DYM: variants seen among roughly 807,000 people sequenced by gnomAD.
DYM encodes dymeclin, also known as dyggve-Melchior-Clausen syndrome protein.
DYM carries 78 observed loss-of-function variants against 93.1 expected under a neutral mutation model. That is an observed-to-expected ratio of 0.84 (90% CI 0.70 to 1.01). DYM has a LOEUF of 1.01. DYM is among the 50% of genes least tolerant of loss of function. DYM has a pLI of 0.00. For missense variants in DYM, 789 were observed against 845.0 expected (o/e 0.93, Z 0.82); for synonymous variants, 321 against 319.7 (o/e 1.00, Z -0.04).
intron 10 of DYM, among the ~76,000 whole-genome samples, chr18:49,277,218 A>G (rs2094866616): frequency 6.6e-6 from 1 of 152,344 alleles, no homozygotes; most frequent in Admixed American, 6.5e-5. Context: ...CAAATACAGA[A>G]CTGAACATAT....
At chr18:49,086,892 G>A (rs981870361) in intron 17 of DYM, among the ~76,000 whole-genome samples, 12 of 152,114 alleles carry the variant, frequency 7.9e-5, no homozygotes, top group South Asian at 2.1e-4. Flanking sequence ...GGAGACTGAG[G>A]TAGGAGAATT....
At chr18:49,397,146 T>C (rs2070201617) in intron 2 of DYM, among the ~76,000 whole-genome samples, 1 of 152,188 alleles carries the variant, frequency 6.6e-6, no homozygotes. Context: ...GTATAATGCA[T>C]CGAAACATCA....
At chr18:49,237,783 CA>C (rs1428845141) in intron 13 of DYM, among the ~76,000 whole-genome samples, 2 of 152,066 alleles carry the variant, frequency 1.3e-5, no homozygotes, top group Admixed American at 1.3e-4. Flanking sequence ...TGCATGTAAA[CA>C]AAGATAAATG....
chr18:49,425,107 C>T (rs1568422949), intron 2 of DYM, among the ~76,000 whole-genome samples: 4 of 152,122 alleles, frequency 2.6e-5, no homozygotes, highest in Admixed American at 1.3e-4. Context: ...GGCAAAAGAA[C>T]AAAGCTGCAG....
At chr18:49,315,094 A>C (rs2146437402) in intron 8 of DYM, among the ~76,000 whole-genome samples, 1 of 152,248 alleles carries the variant, frequency 6.6e-6, no homozygotes, top group East Asian at 1.9e-4. Context: ...ATATGCCTGT[A>C]GTCTCAGCTA....
chr18:49,334,340 T>C (rs1440478020), intron 6 of DYM, among the ~76,000 whole-genome samples: 2 of 152,240 alleles, frequency 1.3e-5, no homozygotes, highest in Non-Finnish European at 2.9e-5. Context: ...TGCCTACCTT[T>C]CTCAAGGTCA....
At chr18:49,058,291 CT>C (rs1384158052) in intron 17 of DYM, among the ~76,000 whole-genome samples, 2 of 151,654 alleles carry the variant, frequency 1.3e-5, no homozygotes, top group Non-Finnish European at 2.9e-5. Context: ...TCCAATTTTG[CT>C]AAATTTACAT....
intron 17 of DYM, among the ~76,000 whole-genome samples, chr18:49,074,133 A>G (rs2077116485): frequency 6.6e-6 from 1 of 152,218 alleles, no homozygotes; most frequent in Non-Finnish European, 1.5e-5. Context: ...AAATTTACAC[A>G]GTTGGCTCTC....
In DYM at chr18:49,378,950, T is replaced by C. The variant is rs74906415; in HGVS notation, c.288-250A>G. 1.9e-3 allele frequency among the ~76,000 whole-genome samples: 285 copies of C among 152,304 alleles called. 4 individuals carry two copies. Among genetic ancestry groups the C allele is most frequent in the East Asian group, 8.9e-3 (46 of 5,188 alleles). Reference sequence around the variant, plus strand: ...TAATAAAAATCTTTACTGATGACTGTAGGAATGACTGTTCTTTGTTCTTAA... The same window carrying C: ...TAATAAAAATCTTTACTGATGACTGCAGGAATGACTGTTCTTTGTTCTTAA... On this transcript the variant is annotated intron_variant, in intron 4 of 17. Coordinates refer to ENST00000675505, the MANE Select transcript of DYM (RefSeq NM_001353214.3).
At chr18:49,287,451 G>T (rs987748210) in intron 8 of DYM, among the ~76,000 whole-genome samples, 1 of 151,640 alleles carries the variant, frequency 6.6e-6, no homozygotes, top group Non-Finnish European at 1.5e-5. Flanking sequence ...AACATTGTAA[G>T]TATTCCCATT....
At chr18:49,184,707 C>T (rs915773213) in intron 14 of DYM, among the ~76,000 whole-genome samples, 7 of 152,006 alleles carry the variant, frequency 4.6e-5, no homozygotes, top group African/African-American at 7.3e-5. Context: ...AGGTGGGACA[C>T]GGCAAAATTT....
chr18:49,416,968 A>G (rs1438425121), intron 2 of DYM, among the ~76,000 whole-genome samples: 3 of 152,142 alleles, frequency 2.0e-5, no homozygotes, highest in Admixed American at 6.5e-5. Context: ...AGCCTTATCA[A>G]TTTACCCTGA....
intron 17 of DYM, among the ~76,000 whole-genome samples, chr18:49,050,096 T>C (rs993671618): frequency 6.8e-6 from 1 of 148,054 alleles, no homozygotes; most frequent in African/African-American, 2.6e-5. Flanking sequence ...TTTTTTTTTT[T>C]TTTTTTTAAG....
At chr18:49,388,272 G>C (rs1221729051) in intron 3 of DYM, among the ~76,000 whole-genome samples, 3 of 152,134 alleles carry the variant, frequency 2.0e-5, no homozygotes, top group Non-Finnish European at 4.4e-5. Flanking sequence ...TGAGGTTGCA[G>C]TGAGCGGTGA....
Position 49,142,054 on chromosome 18 carries a change from G to T in DYM, c.1728+21631C>A, listed in dbSNP as rs562495808. Among the ~76,000 whole-genome samples, 59 of 151,480 alleles carry T rather than the reference G, an allele frequency of 3.9e-4. No individual in the cohort carries two copies. In the East Asian group the frequency reaches 0.011, roughly 29 times the overall value. The stretch of plus-strand genomic sequence containing the variant: ...TTTTTTTGTATCTTTAGTAGACAGG[G>T]GTTTCACCATGTTTGCCAGGATGGT... On this transcript the variant is annotated intron_variant, in intron 15 of 17. Transcript: ENST00000675505.
intron 14 of DYM, among the ~76,000 whole-genome samples, chr18:49,191,148 A>G (rs1313005410): frequency 6.6e-6 from 1 of 152,140 alleles, no homozygotes; most frequent in East Asian, 1.9e-4. Context: ...TTTGATAGTA[A>G]CTATACTTCA....
chr18:49,372,195 G>A (rs575781108), intron 5 of DYM, among the ~76,000 whole-genome samples: 1 of 152,242 alleles, frequency 6.6e-6, no homozygotes, highest in East Asian at 1.9e-4. Context: ...TTCAGCTACT[G>A]CATGGTGATG....
At chr18:49,362,148 G>A (rs1170617661) in intron 6 of DYM, among the ~76,000 whole-genome samples, 2 of 151,704 alleles carry the variant, frequency 1.3e-5, no homozygotes, top group Admixed American at 6.6e-5. Context: ...TTACAGGCGT[G>A]AGACACTGCA....
At chr18:49,135,478 A>G (rs2083760255) in intron 15 of DYM, among the ~76,000 whole-genome samples, 1 of 152,188 alleles carries the variant, frequency 6.6e-6, no homozygotes, top group Non-Finnish European at 1.5e-5. Flanking sequence ...AAACTATTAC[A>G]GAAGAGTGGA....
Sources: allele counts gnomAD v4.1 joint callset (sites outside exome capture counted in the v4.1 genomes callset), GRCh38; gene constraint gnomAD v4.1.1; transcripts MANE v1.5; gene names NCBI Gene and HGNC (gene_info 2026-07-23, HGNC 2026-07-21).